Variants in CDH18 observed in about 807,000 individuals in gnomAD.
CDH18 encodes the protein cadherin-18.
In CDH18, 31 loss-of-function variants were observed where a neutral mutation model predicts 67.9. That is an observed-to-expected ratio of 0.46 (90% confidence interval 0.34 to 0.62). The LOEUF (loss-of-function observed/expected upper bound fraction) is 0.62. Ranked by LOEUF, CDH18 falls within the 20% of genes least tolerant of loss-of-function variation. The probability of loss-of-function intolerance (pLI) is 0.01; values close to 1 mark genes in which losing one functional copy is unlikely to be tolerated. For synonymous variants in CDH18, 362 were observed against 347.2 expected (o/e 1.04, Z -0.48); for missense variants, 890 against 975.5 (o/e 0.91, Z 1.17).
At chr5:20,333,559 A>G (rs942840442) in intron 1 of CDH18, among the ~76,000 whole-genome samples, 7 of 149,876 alleles carry the variant, frequency 4.7e-5, no homozygotes, top group African/African-American at 1.5e-4. Context: ...ACATATATGT[A>G]TATATATATA....
intron 3 of CDH18, among the ~76,000 whole-genome samples, chr5:19,781,157 T>G (rs529000229): frequency 6.6e-6 from 1 of 152,190 alleles, no homozygotes; most frequent in Non-Finnish European, 1.5e-5. Flanking sequence ...TATAGGCCCA[T>G]AGTCCAAAAG....
chr5:19,676,239 A>G (rs1337315067), intron 5 of CDH18, among the ~76,000 whole-genome samples: 1 of 152,146 alleles, frequency 6.6e-6, no homozygotes, highest in Non-Finnish European at 1.5e-5. Flanking sequence ...TCCCTGAAAG[A>G]GCAGAGAAAG....
At chr5:20,308,079 C>CTTTTTTTT (rs759117114) in intron 1 of CDH18, among the ~76,000 whole-genome samples, 8 of 85,432 alleles carry the variant, frequency 9.4e-5, no homozygotes, top group African/African-American at 1.6e-4. Flanking sequence ...AATACTACTG[C>CTTTTTTTT]TTTTTTTTTT....
intron 2 of CDH18, among the ~76,000 whole-genome samples, chr5:20,044,815 G>T (rs1236053561): frequency 6.6e-6 from 1 of 151,886 alleles, no homozygotes; most frequent in Admixed American, 6.6e-5. Context: ...TCTTTACCTT[G>T]CCTTCCCAAG....
At chr5:20,555,469 A>ATTTTTTTTT (rs1554018792) in intron 1 of CDH18, among the ~76,000 whole-genome samples, 1 of 113,982 alleles carries the variant, frequency 8.8e-6, no homozygotes, top group Non-Finnish European at 1.7e-5. Context: ...TTTGAGACAG[A>ATTTTTTTTT]TTCTCTCACT....
intron 1 of CDH18, among the ~76,000 whole-genome samples, chr5:20,562,991 GTT>G (rs60380534): frequency 2.8e-5 from 4 of 142,536 alleles, no homozygotes; most frequent in African/African-American, 7.6e-5. Flanking sequence ...GAGAAGGTAG[GTT>G]TTTTTTTTTT....
chr5:19,740,968 G>T (rs138829314), intron 4 of CDH18, among the ~76,000 whole-genome samples: 142 of 152,032 alleles, frequency 9.3e-4, no homozygotes, highest in East Asian at 2.9e-3. Context: ...TCTCAAATTT[G>T]CATTGATCAA....
At chr5:19,555,842 TG>T (rs1738309466) in intron 8 of CDH18, among the ~76,000 whole-genome samples, 1 of 152,128 alleles carries the variant, frequency 6.6e-6, no homozygotes, top group Non-Finnish European at 1.5e-5. Context: ...TTAACAAAAA[TG>T]CAACCAAGGA....
At chr5:19,883,225 A>C (rs1284437359) in intron 2 of CDH18, among the ~76,000 whole-genome samples, 2 of 152,170 alleles carry the variant, frequency 1.3e-5, no homozygotes, top group Admixed American at 6.5e-5. Flanking sequence ...TTTGGAATCT[A>C]ACGTTAGGAA....
intron 1 of CDH18, among the ~76,000 whole-genome samples, chr5:20,567,543 CAAATGCTTCCGG>C (rs1758583890): frequency 6.6e-6 from 1 of 152,144 alleles, no homozygotes; most frequent in South Asian, 2.1e-4. Flanking sequence ...AAACCAGAAG[CAAATGCTTCCGG>C]AATTGCCCAC....
intron 5 of CDH18, among the ~76,000 whole-genome samples, chr5:19,678,361 C>T (rs1303325358): frequency 1.3e-5 from 2 of 151,472 alleles, no homozygotes; most frequent in African/African-American, 4.8e-5. Context: ...GGAAATTAAT[C>T]AACTTACACC....
chr5:20,157,779 C>T (rs1004409006), intron 2 of CDH18, among the ~76,000 whole-genome samples: 5 of 151,780 alleles, frequency 3.3e-5, no homozygotes, highest in Admixed American at 1.3e-4. Context: ...AGTAGCGGGA[C>T]TACAGGCCCA....
At chr5:19,625,908 C>T (rs756037698) in intron 5 of CDH18, among the ~76,000 whole-genome samples, 12 of 152,082 alleles carry the variant, frequency 7.9e-5, no homozygotes, top group Non-Finnish European at 1.2e-4. Context: ...GAAGAGAGTC[C>T]CTTTTCCCCC....
At chr5:20,413,202 A>T (rs1746949993) in intron 1 of CDH18, among the ~76,000 whole-genome samples, 2 of 152,210 alleles carry the variant, frequency 1.3e-5, no homozygotes, top group African/African-American at 4.8e-5. Context: ...TTCTTAATCC[A>T]GTCTATCATT....
intron 2 of CDH18, among the ~76,000 whole-genome samples, chr5:19,919,544 G>C (rs1431003336): frequency 6.6e-6 from 1 of 152,130 alleles, no homozygotes; most frequent in Non-Finnish European, 1.5e-5. Flanking sequence ...GTTGATGTTT[G>C]CAAAGGATTG....
intron 1 of CDH18, among the ~76,000 whole-genome samples, chr5:20,480,925 G>A (rs1407780974): frequency 6.6e-6 from 1 of 151,958 alleles, no homozygotes; most frequent in Non-Finnish European, 1.5e-5. Flanking sequence ...ACAAAAATTT[G>A]GATGTAAAGG....
chr5:19,508,865 CT>C (rs35438564), intron 10 of CDH18, among the ~76,000 whole-genome samples: 60,121 of 127,142 alleles, frequency 0.47, 12,068 homozygotes, highest in African/African-American at 0.56. Flanking sequence ...TCTTTCTTTT[CT>C]TTTTTTTTTT....
chr5:20,160,714 A>T (rs1224387116), intron 2 of CDH18, among the ~76,000 whole-genome samples: 1 of 152,348 alleles, frequency 6.6e-6, no homozygotes, highest in Non-Finnish European at 1.5e-5. Flanking sequence ...AGATGTAATG[A>T]GCAAGGCTCT....
At chr5:19,549,270 C>T (rs75992539) in intron 8 of CDH18, among the ~76,000 whole-genome samples, 6,908 of 152,136 alleles carry the variant, frequency 0.045, 188 homozygotes, top group East Asian at 0.061. Context: ...AATCTAATTG[C>T]TTAAAAGCCT....
Sources: allele counts gnomAD v4.1 joint callset (sites outside exome capture counted in the v4.1 genomes callset), GRCh38; gene constraint gnomAD v4.1.1; transcripts MANE v1.5; gene names NCBI Gene and HGNC (gene_info 2026-07-23, HGNC 2026-07-21).